The following CNIH1 variants were observed in gnomAD, a reference collection of about 807,000 sequenced individuals.
The protein encoded by CNIH1 is protein cornichon homolog 1.
CNIH1 carries 12 observed loss-of-function variants against 20.2 expected under a neutral mutation model. The observed-to-expected ratio is 0.59, with a 90% CI of 0.38 to 0.96. The LOEUF (loss-of-function observed/expected upper bound fraction) is 0.96. Ranked by LOEUF, CNIH1 falls within the 40% of genes least tolerant of loss-of-function variation. The pLI is 0.00. For missense variants in CNIH1, 152 were observed against 178.8 expected (o/e 0.85, Z 0.85); for synonymous variants, 69 against 63.3 (o/e 1.09, Z -0.43).
intron 2 of CNIH1, among the ~76,000 whole-genome samples, chr14:54,435,214 G>A (rs140839690): frequency 6.6e-6 from 1 of 152,118 alleles, no homozygotes; most frequent in African/African-American, 2.4e-5. Context: ...CAAATACACA[G>A]GCTAAAAGAG....
At chr14:54,437,978 GTTT>G (rs368797544) in intron 1 of CNIH1, among the ~76,000 whole-genome samples, 1 of 141,790 alleles carries the variant, frequency 7.1e-6, no homozygotes. Context: ...GACTTCAAGG[GTTT>G]TTTTTTTTTT....
At chr14:54,439,574 A>G (rs1487502777) in intron 1 of CNIH1, among the ~76,000 whole-genome samples, 1 of 143,532 alleles carries the variant, frequency 7.0e-6, no homozygotes, top group Non-Finnish European at 1.5e-5. Flanking sequence ...TTTTTTTTTG[A>G]GACGGAGTCT....
chr14:54,435,762 TAA>T (rs975633476), intron 2 of CNIH1, among the ~76,000 whole-genome samples: 2 of 152,178 alleles, frequency 1.3e-5, no homozygotes, highest in African/African-American at 4.8e-5. Context: ...TACCTCACAA[TAA>T]GTCACAACCC....
At chr14:54,430,529 A>G (rs1594616315) in intron 3 of CNIH1, 125 bp from the exon 4 acceptor site, 2 of 845,788 alleles carry the variant, frequency 2.4e-6, no homozygotes, top group East Asian at 2.6e-5. Flanking sequence ...TCTTTTACTT[A>G]TGGGTAAAAT....
intron 1 of CNIH1, among the ~76,000 whole-genome samples, chr14:54,437,880 A>T (rs561229334): frequency 6.6e-6 from 1 of 152,248 alleles, no homozygotes; most frequent in Non-Finnish European, 1.5e-5. Context: ...GATGATAATC[A>T]TAAGTACTTG....
In CNIH1 at chr14:54,430,332, T is replaced by C. The variant is rs1267499780; in HGVS notation, c.336A>G (p.Leu112=). 6.2e-7 allele frequency: 1 copy of C among 1,613,852 alleles called. No individual in the cohort carries two copies. Among genetic ancestry groups the C allele is most frequent in the African/African-American group, 1.3e-5 (1 of 74,946 alleles). ...DPTTIMNADI[L]AYCQKEGWCK... is the part of the protein sequence containing the mutation. Reference sequence around the variant, plus strand: ...ACCATCCTTCCTTCTGACAATATGCTAGAATATCTGCATTCATGATGGTTG... The same window carrying C: ...ACCATCCTTCCTTCTGACAATATGCCAGAATATCTGCATTCATGATGGTTG... The change falls in exon 4 of 5, where the codon CTA becomes CTG. Residue 112 remains leucine (L), a synonymous_variant. Coordinates refer to ENST00000216416, the MANE Select transcript of CNIH1 (RefSeq NM_005776.3).
In CNIH1 at chr14:54,441,347, G is replaced by A. The variant is rs1304705052; in HGVS notation, c.-20C>T. On this transcript the variant is annotated 5_prime_UTR_variant, in exon 1 of 5. Transcript: ENST00000216416. ...CGCCATGGCTGGGGAGGAGGAGCGG[G>A]GAGCGGCGCCGTTGCCAGCGGAGAA... The A allele has an allele frequency of 6.7e-7, 1 of 1,486,638 alleles. No individual in the cohort carries two copies. The highest frequency in any genetic ancestry group is 9.0e-7 in the Non-Finnish European group (1 of 1,109,014). 92.1% of individuals were successfully genotyped at this position (1,486,638 alleles called of 1,614,324 possible).
chr14:54,425,420 C>A lies in CNIH1; in HGVS notation c.*2394G>T, dbSNP rs1360549722. The A allele has an allele frequency of 6.6e-6, 1 of 151,984 alleles. No homozygotes were observed. Among genetic ancestry groups the A allele is most frequent in the African/African-American group, 2.4e-5 (1 of 41,370 alleles). 9.4% of individuals were successfully genotyped at this position (151,984 alleles called of 1,614,324 possible). A position where few individuals can be genotyped will look rare whatever the true frequency, so the allele number is the denominator to read the frequency against. On this transcript the variant is annotated 3_prime_UTR_variant, in exon 5 of 5. Coordinates refer to ENST00000216416, the MANE Select transcript of CNIH1 (RefSeq NM_005776.3). ...AGAGTACCTAAATGAACAGCTGTTG[C>A]TGCACAGGGAATGTTTAACGTAAAC...
In CNIH1 at chr14:54,432,222, T is replaced by C; in HGVS notation, c.151-2A>G. On this transcript the variant is annotated splice_acceptor_variant, in intron 2 of 4. Coordinates refer to ENST00000216416, the MANE Select transcript of CNIH1 (RefSeq NM_005776.3). LOFTEE classifies it high-confidence loss of function. ...GATGAGGTACTCTGGGAGTACAAGC[T>C]GGAAGGAAAACACAAGCCAGTTATC... is the stretch of plus-strand genomic sequence containing the variant. 1.3e-6 allele frequency: 2 copies of C among 1,517,198 alleles called. No homozygotes were observed. The highest frequency in any genetic ancestry group is 1.3e-5 in the South Asian group (1 of 79,642). 94.0% of individuals were successfully genotyped at this position (1,517,198 alleles called of 1,614,324 possible). A position where few individuals can be genotyped will look rare whatever the true frequency, so the allele number is the denominator to read the frequency against.
rs1232034378 is a variant in CNIH1, at chr14:54,426,924, A to G, written c.*890T>C. On this transcript the variant is annotated 3_prime_UTR_variant, in exon 5 of 5. Transcript: ENST00000216416. ...ATTTTTAATCTCAAACAATGCACTG[A>G]AAGTGAGTCTTAATTTCAGAGTTTT... 6.6e-6 allele frequency: 1 copy of G among 152,212 alleles called. No homozygotes were observed. Among genetic ancestry groups the G allele is most frequent in the Non-Finnish European group, 1.5e-5 (1 of 68,016 alleles). The allele number at this position is 152,212 out of a possible 1,614,324, so 9.4% of individuals were successfully genotyped here. A position where few individuals can be genotyped will look rare whatever the true frequency, so the allele number is the denominator to read the frequency against.
At chr14:54,430,232 G>C in intron 4 of CNIH1, 29 bp downstream of exon 4, 3 of 1,607,912 alleles carry the variant, frequency 1.9e-6, no homozygotes, top group Non-Finnish European at 2.6e-6. Context: ...CAAAGTGAAA[G>C]CATATTTCAT....
At chr14:54,433,575 G>C (rs942478611) in intron 2 of CNIH1, among the ~76,000 whole-genome samples, 2 of 152,166 alleles carry the variant, frequency 1.3e-5, no homozygotes, top group African/African-American at 4.8e-5. Context: ...ATAGGACTCT[G>C]AAACTCAAGG....
chr14:54,430,399 AT>A lies in CNIH1; in HGVS notation c.268del (p.Met90Ter). 1 of 1,613,198 alleles carries A rather than the reference AT, an allele frequency of 6.2e-7. No individual in the cohort carries two copies. Among genetic ancestry groups the A allele is most frequent in the Non-Finnish European group, 8.5e-7 (1 of 1,179,542 alleles). ...PLLAYHIWRY[M>X]SRPVMSGPGL... ...TGGGCCACTCATCACTGGTCTACTC[AT>A]ATACCTGGAATAAACACAGTCTATT... On this transcript the variant is annotated frameshift_variant, in exon 4 of 5. Transcript: ENST00000216416. LOFTEE classifies it high-confidence loss of function.
At chr14:54,441,014 G>A (rs1436800704) in intron 1 of CNIH1, among the ~76,000 whole-genome samples, 1 of 151,926 alleles carries the variant, frequency 6.6e-6, no homozygotes, top group Non-Finnish European at 1.5e-5. Flanking sequence ...GGGAGGAGTA[G>A]CGGTGCGCGC....
intron 1 of CNIH1, among the ~76,000 whole-genome samples, chr14:54,440,424 T>C (rs977483827): frequency 6.6e-6 from 1 of 152,192 alleles, no homozygotes; most frequent in African/African-American, 2.4e-5. Context: ...ACTTACGACT[T>C]TTTCCTTAGA....
intron 1 of CNIH1, among the ~76,000 whole-genome samples, chr14:54,439,484 T>C (rs541203291): frequency 6.6e-6 from 1 of 151,788 alleles, no homozygotes; most frequent in East Asian, 1.9e-4. Flanking sequence ...AAAAAAGGAA[T>C]ACCCATCAAG....
chr14:54,438,724 C>T (rs1020226251), intron 1 of CNIH1, among the ~76,000 whole-genome samples: 13 of 152,202 alleles, frequency 8.5e-5, no homozygotes, highest in African/African-American at 1.2e-4. Flanking sequence ...GATACTTCAA[C>T]TACCTGCTAG....
At chr14:54,440,769 A>G (rs570316183) in intron 1 of CNIH1, among the ~76,000 whole-genome samples, 2 of 152,382 alleles carry the variant, frequency 1.3e-5, no homozygotes, top group East Asian at 1.9e-4. Flanking sequence ...GCTGAAAAGT[A>G]GAGTTGGAAA....
chr14:54,440,630 G>C (rs1208962464), intron 1 of CNIH1, among the ~76,000 whole-genome samples: 1 of 152,166 alleles, frequency 6.6e-6, no homozygotes, highest in East Asian at 1.9e-4. Flanking sequence ...GTCAAAGTAT[G>C]ATTTGGGGGG....
Sources: allele counts gnomAD v4.1 joint callset (sites outside exome capture counted in the v4.1 genomes callset), GRCh38; gene constraint gnomAD v4.1.1; transcripts MANE v1.5; gene names NCBI Gene and HGNC (gene_info 2026-07-23, HGNC 2026-07-21).